Variants in KHDRBS2 observed in about 807,000 individuals in gnomAD.
KHDRBS2 encodes KH RNA binding domain containing, signal transduction associated 2, also known as KH domain-containing, RNA-binding, signal transduction-associated protein 2.
In KHDRBS2, 26 loss-of-function variants were observed where a neutral mutation model predicts 44.3. The ratio of observed to expected loss-of-function variants is 0.59; its 90% CI spans 0.43 to 0.81. The LOEUF (loss-of-function observed/expected upper bound fraction) is 0.81. Among genes scored for constraint, KHDRBS2 ranks in the 40% least tolerant of loss-of-function variants. The probability of loss-of-function intolerance (pLI) is 0.00; values close to 1 mark genes in which losing one functional copy is unlikely to be tolerated. For missense variants in KHDRBS2, 476 were observed against 433.1 expected (o/e 1.10, Z -0.88); for synonymous variants, 194 against 151.1 (o/e 1.28, Z -2.08).
intron 5 of KHDRBS2, among the ~76,000 whole-genome samples, chr6:61,896,308 C>T (rs1406144129): frequency 1.3e-5 from 2 of 152,142 alleles, no homozygotes; most frequent in African/African-American, 4.8e-5. Flanking sequence ...TATGGTCACC[C>T]TACTCTATTC....
At chr6:62,197,451 C>T (rs1825936006) in intron 1 of KHDRBS2, among the ~76,000 whole-genome samples, 1 of 152,062 alleles carries the variant, frequency 6.6e-6, no homozygotes. Context: ...TTTAAGATTA[C>T]TCTAAGAACA....
intron 6 of KHDRBS2, among the ~76,000 whole-genome samples, chr6:61,814,624 AC>A (rs1254954584): frequency 2.6e-5 from 4 of 152,024 alleles, no homozygotes; most frequent in Non-Finnish European, 5.9e-5. Context: ...AAACAAACAA[AC>A]AAAAAACTAT....
chr6:61,776,804 C>T (rs1322221379), intron 6 of KHDRBS2, among the ~76,000 whole-genome samples: 1 of 152,104 alleles, frequency 6.6e-6, no homozygotes, highest in Non-Finnish European at 1.5e-5. Context: ...ACCCAAAGGA[C>T]TATAAATCGT....
intron 2 of KHDRBS2, among the ~76,000 whole-genome samples, chr6:62,168,331 T>C (rs955280046): frequency 6.6e-6 from 1 of 152,154 alleles, no homozygotes; most frequent in African/African-American, 2.4e-5. Context: ...AAAGGTCTGA[T>C]GTATTTCACA....
chr6:61,550,842 G>A, the KHDRBS2 span, among the ~76,000 whole-genome samples: 2 of 142,000 alleles, frequency 1.4e-5, no homozygotes, highest in African/African-American at 2.7e-5. Flanking sequence ...GCATGATCTC[G>A]GCTCACTGCA....
chr6:61,773,653 T>A (rs1443654143), intron 6 of KHDRBS2, among the ~76,000 whole-genome samples: 1 of 150,624 alleles, frequency 6.6e-6, no homozygotes, highest in Non-Finnish European at 1.5e-5. Context: ...TTTAATTAGA[T>A]CCCATTTGTC....
the KHDRBS2 span, among the ~76,000 whole-genome samples, chr6:61,597,847 C>A: frequency 7.9e-6 from 1 of 126,008 alleles, no homozygotes; most frequent in Non-Finnish European, 1.7e-5. Context: ...TTTCAGTTGC[C>A]AAAAACACAC....
At chr6:61,844,456 C>T (rs2127275270) in intron 6 of KHDRBS2, among the ~76,000 whole-genome samples, 1 of 152,200 alleles carries the variant, frequency 6.6e-6, no homozygotes, top group South Asian at 2.1e-4. Flanking sequence ...TGAACAGGTT[C>T]TTTATTTTTC....
At chr6:62,065,452 C>T (rs1344661304) in intron 2 of KHDRBS2, among the ~76,000 whole-genome samples, 1 of 109,124 alleles carries the variant, frequency 9.2e-6, no homozygotes, top group African/African-American at 3.1e-5. Context: ...ACTATGCACC[C>T]ATAAAAAATG....
intron 4 of KHDRBS2, among the ~76,000 whole-genome samples, chr6:61,922,229 T>A (rs1808202795): frequency 6.6e-6 from 1 of 152,066 alleles, no homozygotes; most frequent in African/African-American, 2.4e-5. Context: ...TTTTAAAAAA[T>A]TTCAAAGCAA....
At chr6:61,757,464 C>T (rs1778659505) in intron 6 of KHDRBS2, among the ~76,000 whole-genome samples, 1 of 152,036 alleles carries the variant, frequency 6.6e-6, no homozygotes, top group Admixed American at 6.6e-5. Flanking sequence ...CTTATTATAT[C>T]TTTAAGTTTA....
chr6:61,604,187 A>C, the KHDRBS2 span, among the ~76,000 whole-genome samples: 1 of 152,178 alleles, frequency 6.6e-6, no homozygotes, highest in African/African-American at 2.4e-5. Flanking sequence ...TTACCTCACT[A>C]TACAAGGGTC....
At chr6:61,619,608 C>T in the KHDRBS2 span, among the ~76,000 whole-genome samples, 1 of 152,188 alleles carries the variant, frequency 6.6e-6, no homozygotes, top group Admixed American at 6.5e-5. Context: ...GCATGTGCCA[C>T]CACGCCTGGC....
At chr6:61,698,328 T>C (rs1460110936) in intron 7 of KHDRBS2, among the ~76,000 whole-genome samples, 3 of 152,160 alleles carry the variant, frequency 2.0e-5, no homozygotes, top group African/African-American at 7.2e-5. Context: ...TGAATGTTTC[T>C]CTTTTCTATT....
chr6:62,199,236 A>G (rs1004618917), intron 1 of KHDRBS2, among the ~76,000 whole-genome samples: 34 of 152,288 alleles, frequency 2.2e-4, no homozygotes, highest in African/African-American at 7.5e-4. Context: ...AGTTCTGGCC[A>G]GGGCAATCAG....
Position 62,214,075 on chromosome 6 carries a change from T to A in KHDRBS2, c.92-36763A>T, listed in dbSNP as rs374400911. ...CCATGGCAAATTGAACAGCTTTATC[T>A]TCTATCTCTTGCAGGTCTCTCTGTA... is the stretch of plus-strand genomic sequence containing the variant. On this transcript the variant is annotated intron_variant, in intron 1 of 8. Coordinates refer to ENST00000281156, the MANE Select transcript of KHDRBS2 (RefSeq NM_152688.4). 2.0e-3 allele frequency among the ~76,000 whole-genome samples: 306 copies of A among 152,238 alleles called. 10 individuals are homozygous for A. In the South Asian group the frequency reaches 0.06, roughly 30 times the overall value.
At chr6:61,544,482 C>A in the KHDRBS2 span, among the ~76,000 whole-genome samples, 1 of 151,960 alleles carries the variant, frequency 6.6e-6, no homozygotes, top group Non-Finnish European at 1.5e-5. Flanking sequence ...TAGCAAATAG[C>A]AAATAAATAA....
rs573300401 is a variant in KHDRBS2 at position 61,798,835 on chromosome 6, A to G, written c.811-66071T>C. Among the ~76,000 whole-genome samples the G allele has an allele frequency of 2.2e-4, 34 of 152,078 alleles. No homozygotes were observed. The South Asian group carries it at 7.0e-3, about 31-fold the overall frequency. On this transcript the variant is annotated intron_variant, in intron 6 of 8. Transcript: ENST00000281156. Reference sequence around the variant, plus strand: ...GTCATACATACCTTTATTATATATAAGGCAAAAAAGCATTCAATATATTTA... The same window carrying G: ...GTCATACATACCTTTATTATATATAGGGCAAAAAAGCATTCAATATATTTA...
At chr6:61,624,478 T>C in the KHDRBS2 span, among the ~76,000 whole-genome samples, 5 of 152,226 alleles carry the variant, frequency 3.3e-5, no homozygotes, top group African/African-American at 1.2e-4. Flanking sequence ...GTAGGGGTAA[T>C]ACTTATGGCT....
Sources: gnomAD v4.1 joint callset for allele counts (sites outside exome capture counted in the v4.1 genomes callset) on GRCh38, gnomAD v4.1.1 for gene constraint, MANE v1.5 for transcripts, NCBI Gene and HGNC (gene_info 2026-07-23, HGNC 2026-07-21) for gene names.